The following IRS1 variants were observed in gnomAD, a reference collection of about 807,000 sequenced individuals.
IRS1 encodes insulin receptor substrate 1.
In IRS1, 34 loss-of-function variants were observed where a neutral mutation model predicts 65.6. That is an observed-to-expected ratio of 0.52 (90% CI 0.39 to 0.69). The LOEUF (loss-of-function observed/expected upper bound fraction) is 0.69, where lower values mean the gene tolerates loss of function less well. Among genes scored for constraint, IRS1 ranks in the 30% least tolerant of loss-of-function variants. The pLI, the probability that IRS1 is intolerant of heterozygous loss-of-function variation, is 0.00. For missense variants in IRS1, 1,641 were observed against 1,720.2 expected (o/e 0.95, Z 0.81); for synonymous variants, 699 against 683.5 (o/e 1.02, Z -0.35).
intron 1 of IRS1, among the ~76,000 whole-genome samples, chr2:226,777,120 G>A (rs1038540635): frequency 6.6e-6 from 1 of 152,100 alleles, no homozygotes; most frequent in African/African-American, 2.4e-5. Flanking sequence ...AAGGACATTA[G>A]GGGAAAACTG....
At chr2:226,781,792 C>G (rs1207204246) in intron 1 of IRS1, among the ~76,000 whole-genome samples, 1 of 151,432 alleles carries the variant, frequency 6.6e-6, no homozygotes, top group Non-Finnish European at 1.5e-5. Flanking sequence ...TTTTTAAAGA[C>G]CAAGTTTTAG....
rs780229544 is a variant in IRS1 at position 226,795,774 on chromosome 2, AG to A, written c.2964del (p.Tyr989ThrfsTer2). 1 of 1,613,272 alleles carries A rather than the reference AG, an allele frequency of 6.2e-7. No homozygotes were observed. Among genetic ancestry groups the A allele is most frequent in the East Asian group, 2.2e-5 (1 of 44,882 alleles). ...PTRAVPSSRG[D>X]YMTMQMSCPR... ...GGACAACTCATCTGCATGGTCATGT[AG>A]TCACCCCGGCTGCTGGGCACTGCCC... On this transcript the variant is annotated frameshift_variant, in exon 1 of 2. Coordinates refer to ENST00000305123, the MANE Select transcript of IRS1 (RefSeq NM_005544.3). LOFTEE classifies it high-confidence loss of function.
At chr2:226,772,313 A>G (rs1467541998) in intron 1 of IRS1, among the ~76,000 whole-genome samples, 1 of 152,190 alleles carries the variant, frequency 6.6e-6, no homozygotes, top group Non-Finnish European at 1.5e-5. Flanking sequence ...ACAACATTAT[A>G]AGACAGACTG....
chr2:226,781,382 G>T (rs141056303), intron 1 of IRS1, among the ~76,000 whole-genome samples: 57 of 152,190 alleles, frequency 3.7e-4, no homozygotes, highest in Non-Finnish European at 7.8e-4. Flanking sequence ...TCCTAAAGTG[G>T]TGAGTAACAG....
intron 1 of IRS1, among the ~76,000 whole-genome samples, chr2:226,761,975 C>T (rs913401362): frequency 1.3e-5 from 2 of 152,132 alleles, no homozygotes; most frequent in African/African-American, 4.8e-5. Context: ...CCCTGCATTC[C>T]GCTTATCCAA....
intron 1 of IRS1, among the ~76,000 whole-genome samples, chr2:226,775,076 T>C (rs1282455437): frequency 6.6e-6 from 1 of 152,178 alleles, no homozygotes; most frequent in Non-Finnish European, 1.5e-5. Context: ...CAGTAAACTT[T>C]AATGTATGCA....
intron 1 of IRS1, among the ~76,000 whole-genome samples, chr2:226,775,943 T>C (rs543764425): frequency 6.6e-6 from 1 of 152,184 alleles, no homozygotes; most frequent in Non-Finnish European, 1.5e-5. Flanking sequence ...CTTTTTTTTT[T>C]CCTTGAATAG....
At chr2:226,749,773 A>T (rs1938636223) in intron 1 of IRS1, among the ~76,000 whole-genome samples, 1 of 152,194 alleles carries the variant, frequency 6.6e-6, no homozygotes, top group Admixed American at 6.5e-5. Flanking sequence ...TATCCGAAAG[A>T]TGCACCTGGA....
intron 1 of IRS1, among the ~76,000 whole-genome samples, chr2:226,779,549 C>A (rs1448158109): frequency 6.6e-6 from 1 of 152,126 alleles, no homozygotes; most frequent in East Asian, 1.9e-4. Context: ...TAGAAAGCAG[C>A]AAAAATGTGA....
At chr2:226,758,193 T>C (rs563697813) in intron 1 of IRS1, among the ~76,000 whole-genome samples, 3 of 152,322 alleles carry the variant, frequency 2.0e-5, no homozygotes, top group South Asian at 4.1e-4. Context: ...TGTATGAAGG[T>C]TGTTTTATTT....
intron 1 of IRS1, among the ~76,000 whole-genome samples, chr2:226,742,398 A>G (rs1179106660): frequency 6.6e-6 from 1 of 152,226 alleles, no homozygotes; most frequent in African/African-American, 2.4e-5. Context: ...ACAGGCCAGG[A>G]TTGAGCTGGA....
At chr2:226,791,660 G>GA (rs916460980) in intron 1 of IRS1, among the ~76,000 whole-genome samples, 5 of 151,580 alleles carry the variant, frequency 3.3e-5, no homozygotes, top group African/African-American at 1.2e-4. Flanking sequence ...ACCGCCAGGG[G>GA]ACCCGCGGAG....
intron 1 of IRS1, among the ~76,000 whole-genome samples, chr2:226,791,918 C>T (rs915075131): frequency 2.6e-5 from 4 of 151,818 alleles, no homozygotes; most frequent in African/African-American, 9.7e-5. Context: ...CCACCCCGGG[C>T]GAAAGGGGGC....
chr2:226,793,223 T>C (rs1939643765), intron 1 of IRS1, among the ~76,000 whole-genome samples: 1 of 152,200 alleles, frequency 6.6e-6, no homozygotes, highest in Non-Finnish European at 1.5e-5. Flanking sequence ...CCTAAACAAA[T>C]TAAGATGACA....
chr2:226,797,065 G>C lies in IRS1; in HGVS notation c.1674C>G (p.Tyr558Ter). The C allele has an allele frequency of 6.2e-7, 1 of 1,612,238 alleles. No homozygotes were observed. Among genetic ancestry groups the C allele is most frequent in the Non-Finnish European group, 8.5e-7 (1 of 1,179,044 alleles). The change falls in exon 1 of 2, where the codon TAC becomes TAG. Residue 558 changes from tyrosine to a stop codon, truncating the protein, a stop_gained. Coordinates refer to ENST00000305123, the MANE Select transcript of IRS1 (RefSeq NM_005544.3). LOFTEE classifies it high-confidence loss of function. This position sits in a 1 kb window ranked among gnomAD's most constrained non-coding sequence, Gnocchi z 8.1. ...IEEYTEMMPA[Y>*]PPGGGSGGRL... is the part of the protein sequence containing the mutation. ...GGCCTCCACTGCCACCTCCTGGTGG[G>C]TAGGCAGGCATCATCTCTGTGTACT...
At chr2:226,776,820 C>T (rs118101579) in intron 1 of IRS1, among the ~76,000 whole-genome samples, 1 of 152,134 alleles carries the variant, frequency 6.6e-6, no homozygotes, top group Non-Finnish European at 1.5e-5. Context: ...GTAGGAGAAT[C>T]GCTGGAATCC....
chr2:226,769,710 GTCGTT>G (rs1416030916), intron 1 of IRS1, among the ~76,000 whole-genome samples: 4 of 152,180 alleles, frequency 2.6e-5, no homozygotes, highest in Non-Finnish European at 4.4e-5. Flanking sequence ...GACTACTCTT[GTCGTT>G]ATCTCTAGAA....
At position 226,798,261 on chromosome 2, in the gene IRS1, A is replaced by T; in HGVS notation, c.478T>A (p.Phe160Ile). ...AGGATCACTTGCCAGACCTCTTTGA[A>T]TGCGGGTCCTGGGGGCACGTCACCG... ...SYGDVPPGPA[F>I]KEVWQVILKP... Residue 160 changes from phenylalanine (F) to isoleucine (I), a missense_variant, in exon 1 of 2, where the codon TTC (phenylalanine) becomes ATC (isoleucine). By Grantham distance (21) the Phe-to-Ile change is conservative (BLOSUM62 0). Around this residue, in one of 3 missense-constraint regions of IRS1, gnomAD observed 240 missense variants for 229.6 expected, o/e 1.05. Coordinates refer to ENST00000305123, the MANE Select transcript of IRS1 (RefSeq NM_005544.3). This position sits in a 1 kb window ranked among gnomAD's most constrained non-coding sequence, Gnocchi z 9.4. 2 of 1,613,352 alleles carry T rather than the reference A, an allele frequency of 1.2e-6. No individual in the cohort carries two copies. The highest frequency in any genetic ancestry group is 1.3e-5 in the African/African-American group (1 of 75,032).
intron 1 of IRS1, among the ~76,000 whole-genome samples, chr2:226,737,571 T>A (rs1938353112): frequency 6.6e-6 from 1 of 152,208 alleles, no homozygotes; most frequent in Admixed American, 6.5e-5. Context: ...AAAGCTGGAT[T>A]CTGTTGGAAG....
Sources: allele counts gnomAD v4.1 joint callset (sites outside exome capture counted in the v4.1 genomes callset), GRCh38; gene constraint gnomAD v4.1.1; regional missense constraint gnomAD v4.1.1; non-coding constraint Gnocchi (gnomAD v3.1); transcripts MANE v1.5; gene names NCBI Gene and HGNC (gene_info 2026-07-23, HGNC 2026-07-21).